Variants in ERN2 observed in about 807,000 individuals in gnomAD.
The protein encoded by ERN2 is serine/threonine-protein kinase/endoribonuclease IRE2.
In ERN2, 111 loss-of-function variants were observed where a neutral mutation model predicts 107.9. The ratio of observed to expected loss-of-function variants is 1.03; its 90% confidence interval spans 0.88 to 1.20. The LOEUF (loss-of-function observed/expected upper bound fraction) is 1.20, where lower values mean the gene tolerates loss of function less well. Among genes scored for constraint, ERN2 ranks in the 50% most tolerant of loss-of-function variants. The pLI is 0.00. For missense variants in ERN2, 1,225 were observed against 1,197.9 expected (o/e 1.02, Z -0.33); for synonymous variants, 524 against 501.7 (o/e 1.04, Z -0.59).
chr16:23,692,778 G>C (rs183354554), intron 17 of ERN2, among the ~76,000 whole-genome samples: 444 of 151,862 alleles, frequency 2.9e-3, no homozygotes, highest in Non-Finnish European at 4.0e-3. Context: ...CCAGGCTAGA[G>C]TGCAGTGGCG....
rs1959594378 is a variant in ERN2, at chr16:23,691,438, G to A, written c.2377-13C>T. 1 of 1,597,254 alleles carries A rather than the reference G, an allele frequency of 6.3e-7. No homozygotes were observed. The highest frequency in any genetic ancestry group is 8.5e-7 in the Non-Finnish European group (1 of 1,178,966). ...AGTCACTGACGTCCTGGGGCCCAGA[G>A]AGCTCCTGAGCCTTGTGACCGGGGC... On this transcript the variant is annotated splice_polypyrimidine_tract_variant and intron_variant, in intron 19 of 21. Coordinates refer to ENST00000256797, the MANE Select transcript of ERN2 (RefSeq NM_033266.4).
intron 8 of ERN2, 114 bp downstream of exon 8, chr16:23,704,769 C>A (rs1597153572): frequency 8.5e-7 from 1 of 1,182,278 alleles, no homozygotes; most frequent in Non-Finnish European, 1.2e-6. Context: ...AATGTTTTGA[C>A]CCCTGGTTCA....
In ERN2 at chr16:23,691,355, C is replaced by T. The variant is rs1959588683; in HGVS notation, c.2447G>A (p.Cys816Tyr). ...GTGCCAGTTGTCCCGGACCACTGCG[C>T]AGCCTCCCGCCTCCAGTGCCCTCAC... ...PLVRALEAGG[C>Y]AVVRDNWHEH... is the part of the protein sequence containing the mutation. Residue 816 changes from cysteine to tyrosine, a missense_variant, in exon 20 of 22, where the codon TGC (cysteine) becomes TAC (tyrosine). By Grantham distance (194) the Cys-to-Tyr change is radical. Coordinates refer to ENST00000256797, the MANE Select transcript of ERN2 (RefSeq NM_033266.4). 2 of 1,604,598 alleles carry T rather than the reference C, an allele frequency of 1.2e-6. No homozygotes were observed. The highest frequency in any genetic ancestry group is 1.7e-6 in the Non-Finnish European group (2 of 1,179,928).
chr16:23,696,046 G>T, intron 13 of ERN2, 68 bp from the exon 14 acceptor site: 1 of 1,159,414 alleles, frequency 8.6e-7, no homozygotes, highest in Non-Finnish European at 1.3e-6. Context: ...GCCCAGTCCA[G>T]ACTCACCTTG....
intron 4 of ERN2, 50 bp downstream of exon 4, chr16:23,710,122 T>A (rs541386127): frequency 7.7e-7 from 1 of 1,303,658 alleles, no homozygotes; most frequent in African/African-American, 1.4e-5. Context: ...GTGCTCCAGC[T>A]GACGAAAGCC....
At position 23,702,416 on chromosome 16, in the gene ERN2, G is replaced by A. The variant is rs1245514156; in HGVS notation, c.1055C>T (p.Ala352Val). 8.1e-6 allele frequency: 13 copies of A among 1,613,630 alleles called. No individual in the cohort carries two copies. Among genetic ancestry groups the A allele is most frequent in the Non-Finnish European group, 1.1e-5 (13 of 1,179,972 alleles). Reference protein sequence around the residue: ...TAVRYPSGSVALPSQWLLIGH... With the variant: ...TAVRYPSGSVVLPSQWLLIGH... ...AATGAGCAGCCACTGGCTTGGGAGG[G>A]CCACACTGCCTGAGGGGTATCTAAC... The change falls in exon 10 of 22, where the codon GCC becomes GTC. Residue 352 changes from alanine (A) to valine (V), a missense_variant. Ala to Val is a moderately conservative substitution (Grantham distance 64). Coordinates refer to ENST00000256797, the MANE Select transcript of ERN2 (RefSeq NM_033266.4).
chr16:23,697,684 G>C (rs1464840307), intron 13 of ERN2, among the ~76,000 whole-genome samples: 1 of 152,194 alleles, frequency 6.6e-6, no homozygotes, highest in Non-Finnish European at 1.5e-5. Context: ...TGCACACACA[G>C]ATATTTGTTA....
chr16:23,691,140 C>T lies in ERN2; in HGVS notation c.2557G>A (p.Val853Met). The T allele has an allele frequency of 6.2e-7, 1 of 1,613,974 alleles. No individual in the cohort carries two copies. The highest frequency in any genetic ancestry group is 8.5e-7 in the Non-Finnish European group (1 of 1,179,968). Residue 853 changes from valine to methionine, a missense_variant, in exon 21 of 22, where the codon GTG becomes ATG. Physicochemically the swap from Val to Met is conservative, Grantham distance 21 (BLOSUM62 1). Coordinates refer to ENST00000256797, the MANE Select transcript of ERN2 (RefSeq NM_033266.4). The part of the protein sequence containing the change: ...GTSVRDLLRA[V>M]RNKKHHYREL... ...GCCCCAACACATACCTTGTTCCTCACAGCACGGAGCAGGTCTCGCACTGAT... is the reference window on the plus strand; with the variant it reads ...GCCCCAACACATACCTTGTTCCTCATAGCACGGAGCAGGTCTCGCACTGAT...
At chr16:23,691,665 C>T (rs1043666825) in intron 19 of ERN2, among the ~76,000 whole-genome samples, 3 of 152,248 alleles carry the variant, frequency 2.0e-5, no homozygotes, top group Non-Finnish European at 4.4e-5. Flanking sequence ...TGCTCAAGTT[C>T]ACTCAAGTGC....
chr16:23,706,424 C>T lies in ERN2; in HGVS notation c.495G>A (p.Thr165=), dbSNP rs770036053. The change falls in exon 7 of 22, where the codon ACG becomes ACA. Residue 165 remains threonine, a synonymous_variant. Transcript: ENST00000256797. ...GGGCTCTTGGGTCATGCATGGTGAC[C>T]GTATACTCTGGGGATCCCAGAAGCA... ...PRLYIGRTQY[T]VTMHDPRAPA... 15 of 1,567,680 alleles carry T rather than the reference C, an allele frequency of 9.6e-6. No individual in the cohort carries two copies. Among genetic ancestry groups the T allele is most frequent in the South Asian group, 9.4e-5 (8 of 85,352 alleles).
At chr16:23,706,691 G>T in intron 6 of ERN2, 63 bp downstream of exon 6, 2 of 1,158,998 alleles carry the variant, frequency 1.7e-6, no homozygotes, top group East Asian at 2.3e-5. Context: ...GCCACAGCTA[G>T]ATCTCAGCAG....
intron 4 of ERN2, among the ~76,000 whole-genome samples, chr16:23,708,962 T>A (rs1960433597): frequency 6.6e-6 from 1 of 152,224 alleles, no homozygotes; most frequent in Admixed American, 6.5e-5. Context: ...CCCTTGTGGT[T>A]TCCTATACTC....
In ERN2 at chr16:23,690,987, A is replaced by G; in HGVS notation, c.2625T>C (p.Pro875=). The G allele has an allele frequency of 6.2e-7, 1 of 1,614,172 alleles. No homozygotes were observed. The highest frequency in any genetic ancestry group is 2.2e-5 in the East Asian group (1 of 44,880). The change falls in exon 22 of 22, where the codon CCT becomes CCC. Residue 875 remains proline (P), a synonymous_variant. Coordinates refer to ENST00000256797, the MANE Select transcript of ERN2 (RefSeq NM_033266.4). ...TTGTGAAGTACTGGACGAAGCCATC[A>G]GGGACTTGGCCGAGTGCCTGTCGCA... The part of the protein sequence containing the change: ...VEVRQALGQV[P]DGFVQYFTNR...
At chr16:23,696,058 C>T (rs2141008071) in intron 13 of ERN2, 80 bp from the exon 14 acceptor site, 2 of 1,054,570 alleles carry the variant, frequency 1.9e-6, no homozygotes, top group South Asian at 2.6e-5. Flanking sequence ...CTCACCTTGA[C>T]ATTTTCTGGG....
chr16:23,709,315 TA>T (rs1253248815), intron 4 of ERN2: 63 of 339,364 alleles, frequency 1.9e-4, no homozygotes, highest in East Asian at 3.8e-4. Flanking sequence ...TTGTTTAAAT[TA>T]AAAAAAAGGA....
chr16:23,697,869 GC>G (rs1567246634), intron 13 of ERN2, among the ~76,000 whole-genome samples: 1 of 151,898 alleles, frequency 6.6e-6, no homozygotes, highest in Non-Finnish European at 1.5e-5. Context: ...CAATCCTCCT[GC>G]CTCAGCCCCC....
intron 17 of ERN2, among the ~76,000 whole-genome samples, chr16:23,693,350 G>GC (rs967919316): frequency 3.3e-5 from 5 of 152,180 alleles, no homozygotes; most frequent in African/African-American, 1.2e-4. Context: ...ACTTTGGGAG[G>GC]CCGAGGTAGG....
intron 3 of ERN2, 33 bp downstream of exon 3, chr16:23,710,483 G>A (rs2141024880): frequency 1.2e-6 from 2 of 1,610,896 alleles, no homozygotes; most frequent in Non-Finnish European, 1.7e-6. Flanking sequence ...TCTCCCAGAA[G>A]CCTCCTCCTT....
Position 23,710,252 on chromosome 16 carries a change from G to A in ERN2, c.234-8C>T, listed in dbSNP as rs1960485466. On this transcript the variant is annotated splice_region_variant and splice_polypyrimidine_tract_variant and intron_variant, in intron 3 of 21. Transcript: ENST00000256797. ...TCAGAGAGAAAGGCCATTCTGTGGAGCAGAGAGAAACAAGGAGACCAATGG... is the reference window on the plus strand; with the variant it reads ...TCAGAGAGAAAGGCCATTCTGTGGAACAGAGAGAAACAAGGAGACCAATGG... The A allele has an allele frequency of 3.1e-6, 5 of 1,612,928 alleles. No individual in the cohort carries two copies. In the East Asian group the frequency reaches 1.1e-4, roughly 36 times the overall value.
Sources: gnomAD v4.1 joint callset for allele counts (sites outside exome capture counted in the v4.1 genomes callset) on GRCh38, gnomAD v4.1.1 for gene constraint, MANE v1.5 for transcripts, NCBI Gene and HGNC (gene_info 2026-07-23, HGNC 2026-07-21) for gene names.